The following NDFIP1 variants were observed in gnomAD, a reference collection of about 807,000 sequenced individuals.
The protein encoded by NDFIP1 is Nedd4 family interacting protein 1.
Under a neutral mutation model 28.8 loss-of-function variants are expected in NDFIP1, and 7 were observed. The observed-to-expected ratio is 0.24, with a 90% confidence interval of 0.14 to 0.46. The LOEUF (loss-of-function observed/expected upper bound fraction) is 0.46. NDFIP1 is among the 20% of genes least tolerant of loss of function. The probability of loss-of-function intolerance (pLI) is 0.99; values close to 1 mark genes in which losing one functional copy is unlikely to be tolerated. For missense variants in NDFIP1, 194 were observed against 269.1 expected (o/e 0.72, Z 1.95); for synonymous variants, 92 against 101.0 (o/e 0.91, Z 0.53).
Position 142,153,382 on chromosome 5 carries a change from G to A in NDFIP1, c.*1654G>A. 4.4e-6 allele frequency: 2 copies of A among 456,858 alleles called. No individual in the cohort carries two copies. The highest frequency in any genetic ancestry group is 4.4e-6 in the Non-Finnish European group (1 of 226,994). 28.3% of individuals were successfully genotyped at this position (456,858 alleles called of 1,614,324 possible). ...AAATGTCCATTCATCTGCTGTGTAT[G>A]TATATCCAGAATCAGCATAGGAAGT... On this transcript the variant is annotated 3_prime_UTR_variant, in exon 8 of 8. Transcript: ENST00000253814.
chr5:142,137,362 T>G (rs1224716649), intron 4 of NDFIP1, among the ~76,000 whole-genome samples: 3 of 151,994 alleles, frequency 2.0e-5, no homozygotes, highest in Admixed American at 1.3e-4. Flanking sequence ...TTTTTTTCAG[T>G]TTTTGTAGAG....
At chr5:142,113,644 A>G (rs569419077) in intron 1 of NDFIP1, among the ~76,000 whole-genome samples, 2 of 152,316 alleles carry the variant, frequency 1.3e-5, no homozygotes, top group African/African-American at 4.8e-5. Context: ...TTGTTGTGGA[A>G]CCAGTCCATC....
intron 7 of NDFIP1, among the ~76,000 whole-genome samples, chr5:142,148,365 G>GA (rs1554092455): frequency 6.6e-6 from 1 of 152,118 alleles, no homozygotes. Flanking sequence ...TTAAGGGAGG[G>GA]AAAAATGTAT....
intron 1 of NDFIP1, among the ~76,000 whole-genome samples, chr5:142,113,585 T>A (rs1446988327): frequency 6.6e-6 from 1 of 152,238 alleles, no homozygotes; most frequent in Admixed American, 6.5e-5. Flanking sequence ...AAATTTACCA[T>A]GTTAACCACT....
intron 7 of NDFIP1, among the ~76,000 whole-genome samples, chr5:142,150,570 A>T (rs1757434935): frequency 6.6e-6 from 1 of 152,108 alleles, no homozygotes; most frequent in Admixed American, 6.6e-5. Context: ...CAGAAAAGAT[A>T]CAGAAGACAC....
chr5:142,149,830 A>G (rs1757426601), intron 7 of NDFIP1, among the ~76,000 whole-genome samples: 2 of 152,274 alleles, frequency 1.3e-5, no homozygotes, highest in South Asian at 4.1e-4. Context: ...ACCATATTGT[A>G]TATTCTTGCA....
chr5:142,138,089 C>A (rs1561603163), intron 5 of NDFIP1: 2 of 397,376 alleles, frequency 5.0e-6, no homozygotes, highest in Non-Finnish European at 9.0e-6. Flanking sequence ...ATATTGTTCA[C>A]CATCTGCTTT....
intron 1 of NDFIP1, among the ~76,000 whole-genome samples, chr5:142,124,394 CA>C (rs1757149937): frequency 6.6e-6 from 1 of 152,100 alleles, no homozygotes. Flanking sequence ...ATAGGAAGAT[CA>C]GAAGAAAACC....
At chr5:142,135,170 G>A (rs113344751) in intron 3 of NDFIP1, among the ~76,000 whole-genome samples, 1 of 16,846 alleles carries the variant, frequency 5.9e-5, no homozygotes, top group Admixed American at 6.4e-4. Flanking sequence ...TAGTAGAGAC[G>A]GGTTTCACCA....
chr5:142,117,590 T>C lies in NDFIP1; in HGVS notation c.63+8553T>C, dbSNP rs1757082444. On this transcript the variant is annotated intron_variant, in intron 1 of 7. Coordinates refer to ENST00000253814, the MANE Select transcript of NDFIP1 (RefSeq NM_030571.4). ...TAAATGTGATATTTAAAATTAAGCA[T>C]TTTGTATTAAATAGTAATACATTCT... Among the ~76,000 whole-genome samples, 2 of 152,168 alleles carry C rather than the reference T, an allele frequency of 1.3e-5. 1 individual carries two copies. The highest frequency in any genetic ancestry group is 4.1e-4 in the South Asian group (2 of 4,832).
At chr5:142,143,702 C>A (rs1259274411) in intron 6 of NDFIP1, 1 of 152,046 alleles carries the variant, frequency 6.6e-6, no homozygotes, top group Non-Finnish European at 1.5e-5. Flanking sequence ...AAGAGTCTTA[C>A]TAAGAATAGA....
intron 7 of NDFIP1, among the ~76,000 whole-genome samples, chr5:142,151,078 C>G (rs946995490): frequency 1.3e-5 from 2 of 152,110 alleles, no homozygotes; most frequent in East Asian, 3.8e-4. Flanking sequence ...GGCATTATTT[C>G]GAGAGCATTT....
intron 3 of NDFIP1, chr5:142,134,055 G>C (rs921159678): frequency 1.3e-5 from 2 of 152,232 alleles, no homozygotes; most frequent in African/African-American, 4.8e-5. Flanking sequence ...GTATGAGCAA[G>C]AGTTTGTGAA....
At position 142,150,376 on chromosome 5, in the gene NDFIP1, T is replaced by C. The variant is rs909252635; in HGVS notation, c.*3-1355T>C. Among the ~76,000 whole-genome samples the C allele has an allele frequency of 3.9e-5, 6 of 152,040 alleles. No homozygotes were observed. In the South Asian group the frequency reaches 1.0e-3, roughly 26 times the overall value. ...CTTTCCGAGGTCTTTCAATCTCTTATGTCTCTCAATCTAAAGAAAAGATGT... is the reference window on the plus strand; with the variant it reads ...CTTTCCGAGGTCTTTCAATCTCTTACGTCTCTCAATCTAAAGAAAAGATGT... On this transcript the variant is annotated intron_variant, in intron 7 of 7. Transcript: ENST00000253814.
chr5:142,131,763 C>G, intron 1 of NDFIP1, 45 bp from the exon 2 acceptor site: 1 of 1,444,430 alleles, frequency 6.9e-7, no homozygotes, highest in Non-Finnish European at 9.3e-7. Context: ...TCTTATCTTT[C>G]TAATTGGCTT....
chr5:142,117,942 C>CA (rs1470532655), intron 1 of NDFIP1, among the ~76,000 whole-genome samples: 1 of 152,002 alleles, frequency 6.6e-6, no homozygotes, highest in East Asian at 1.9e-4. Context: ...TGTTGCTACC[C>CA]AGGCTGGCGT....
rs976694178 is a variant in NDFIP1 at position 142,153,384 on chromosome 5, A to G, written c.*1656A>G. On this transcript the variant is annotated 3_prime_UTR_variant, in exon 8 of 8. Coordinates refer to ENST00000253814, the MANE Select transcript of NDFIP1 (RefSeq NM_030571.4). ...ATGTCCATTCATCTGCTGTGTATGT[A>G]TATCCAGAATCAGCATAGGAAGTCG... 6.6e-6 allele frequency: 3 copies of G among 456,938 alleles called. No homozygotes were observed. The highest frequency in any genetic ancestry group is 4.6e-5 in the South Asian group (3 of 64,572). 28.3% of individuals were successfully genotyped at this position (456,938 alleles called of 1,614,324 possible).
At chr5:142,120,267 TC>T (rs1407984419) in intron 1 of NDFIP1, among the ~76,000 whole-genome samples, 1 of 152,188 alleles carries the variant, frequency 6.6e-6, no homozygotes, top group Non-Finnish European at 1.5e-5. Flanking sequence ...AAACTTTCTT[TC>T]TGTTTATAAA....
At chr5:142,124,382 G>T (rs1757149842) in intron 1 of NDFIP1, among the ~76,000 whole-genome samples, 1 of 152,158 alleles carries the variant, frequency 6.6e-6, no homozygotes, top group Admixed American at 6.5e-5. Context: ...CCTATGTAAA[G>T]AATAGGAAGA....
Sources: allele counts gnomAD v4.1 joint callset (sites outside exome capture counted in the v4.1 genomes callset), GRCh38; gene constraint gnomAD v4.1.1; transcripts MANE v1.5; gene names NCBI Gene and HGNC (gene_info 2026-07-23, HGNC 2026-07-21).